KDR: variants seen among roughly 807,000 people sequenced by gnomAD.
The protein encoded by KDR is kinase insert domain receptor, also known as vascular endothelial growth factor receptor 2.
In KDR, 43 loss-of-function variants were observed where a neutral mutation model predicts 160.9. The ratio of observed to expected loss-of-function variants is 0.27; its 90% CI spans 0.21 to 0.34. The LOEUF is 0.34. KDR is among the 10% of genes least tolerant of loss of function. KDR has a pLI of 1.00. For missense variants in KDR, 1,469 were observed against 1,666.4 expected, an observed-to-expected ratio of 0.88 and a Z score of 2.06; for synonymous variants, 617 against 600.1, an observed-to-expected ratio of 1.03 and a Z score of -0.41.
Position 55,105,863 on chromosome 4 carries a change from T to C in KDR, c.1614A>G (p.Arg538=). 1 of 1,613,054 alleles carries C rather than the reference T, an allele frequency of 6.2e-7. No individual in the cohort carries two copies. Among genetic ancestry groups the C allele is most frequent in the Admixed American group, 1.7e-5 (1 of 60,002 alleles). The part of the protein sequence containing the change: ...YKCEAVNKVG[R]GERVISFHVT... ...CGTGGAAGGAGATCACCCTCTCTCCTCTCCCGACTTTGTTGACCGCTTCAC... is the reference window on the plus strand; with the variant it reads ...CGTGGAAGGAGATCACCCTCTCTCCCCTCCCGACTTTGTTGACCGCTTCAC... Residue 538 remains arginine (R), a synonymous_variant, in exon 12 of 30, where the codon AGA becomes AGG. Coordinates refer to ENST00000263923, the MANE Select transcript of KDR (RefSeq NM_002253.4).
rs2110023255 is a variant in KDR, at chr4:55,104,863, C to T, written c.1767G>A (p.Gln589=). ...ENLTWYKLGP[Q]PLPIHVGELP... ...ACTCTCCCACATGGATTGGCAGAGG[C>T]TGTGGGCCAAGCTTGTACCATGTGA... The change falls in exon 13 of 30, where the codon CAG becomes CAA. Residue 589 remains glutamine, a synonymous_variant. Coordinates refer to ENST00000263923, the MANE Select transcript of KDR (RefSeq NM_002253.4). 3 of 1,613,986 alleles carry T rather than the reference C, an allele frequency of 1.9e-6. No homozygotes were observed. The highest frequency in any genetic ancestry group is 2.5e-6 in the Non-Finnish European group (3 of 1,179,898).
intron 26 of KDR, among the ~76,000 whole-genome samples, chr4:55,088,109 C>T (rs1429038175): frequency 6.6e-6 from 1 of 152,168 alleles, no homozygotes; most frequent in African/African-American, 2.4e-5. Context: ...ACGAGCCAAG[C>T]CCTTCAAAGG....
intron 2 of KDR, among the ~76,000 whole-genome samples, chr4:55,119,866 T>C (rs1381627577): frequency 1.3e-5 from 2 of 152,202 alleles, no homozygotes; most frequent in Admixed American, 6.5e-5. Flanking sequence ...AAGAAGAATG[T>C]AACATTATTG....
intron 21 of KDR, among the ~76,000 whole-genome samples, chr4:55,093,026 T>A (rs894608948): frequency 5.9e-5 from 9 of 152,186 alleles, no homozygotes; most frequent in African/African-American, 1.9e-4. Flanking sequence ...ATTTGCCACT[T>A]ACACTGTTTT....
intron 25 of KDR, 108 bp downstream of exon 25, chr4:55,089,266 A>T (rs1719945862): frequency 2.5e-6 from 2 of 791,384 alleles, no homozygotes; most frequent in Non-Finnish European, 2.1e-6. Context: ...AAGTAAAAGC[A>T]GGACACTAAC....
chr4:55,095,731 T>C (rs1720136084), intron 19 of KDR, 66 bp from the exon 20 acceptor site: 4 of 1,201,432 alleles, frequency 3.3e-6, no homozygotes, highest in Non-Finnish European at 5.0e-6. Flanking sequence ...GCGTTTAATA[T>C]AGTGATGAAC....
rs1720392381 is a variant in KDR at position 55,104,628 on chromosome 4, G to A, written c.1987+15C>T. On this transcript the variant is annotated intron_variant, in intron 13 of 29. Transcript: ENST00000263923. The stretch of plus-strand genomic sequence containing the variant: ...CCAACTGCCTCTGCACAATGATCCA[G>A]AATTGTCTCCCTACCTAGGACTGTG... The A allele has an allele frequency of 6.2e-7, 1 of 1,606,148 alleles. No homozygotes were observed. Among genetic ancestry groups the A allele is most frequent in the East Asian group, 2.2e-5 (1 of 44,772 alleles).
intron 18 of KDR, among the ~76,000 whole-genome samples, chr4:55,097,121 G>A (rs984632386): frequency 9.9e-5 from 15 of 152,088 alleles, no homozygotes; most frequent in Non-Finnish European, 1.5e-4. Flanking sequence ...CCAGAATTCC[G>A]TTACTATTAG....
intron 27 of KDR, among the ~76,000 whole-genome samples, chr4:55,085,701 T>C (rs28690664): frequency 0.13 from 19,814 of 152,230 alleles, 2,527 homozygotes; most frequent in African/African-American, 0.33. Flanking sequence ...TCCATTTTAT[T>C]TTTCAAATTA....
chr4:55,098,672 G>T, intron 16 of KDR, 25 bp downstream of exon 16: 1 of 1,539,004 alleles, frequency 6.5e-7, no homozygotes, highest in Non-Finnish European at 9.0e-7. Context: ...AATGTGCATG[G>T]GCAGAAGGGA....
At chr4:55,109,520 G>A (rs951363757) in intron 9 of KDR, among the ~76,000 whole-genome samples, 2 of 152,156 alleles carry the variant, frequency 1.3e-5, no homozygotes, top group Non-Finnish European at 2.9e-5. Context: ...CCAGAAGGGG[G>A]AACAAAGAAT....
At chr4:55,108,000 T>A in intron 9 of KDR, 107 bp from the exon 10 acceptor site, 1 of 1,297,528 alleles carries the variant, frequency 7.7e-7, no homozygotes, top group Non-Finnish European at 1.1e-6. Context: ...TGATTTTGCT[T>A]CCACTTTCTT....
intron 21 of KDR, among the ~76,000 whole-genome samples, chr4:55,093,289 C>T (rs994857829): frequency 6.6e-6 from 1 of 152,052 alleles, no homozygotes; most frequent in African/African-American, 2.4e-5. Context: ...ATAACAGAAA[C>T]ATGGAAAGAT....
chr4:55,120,734 C>T (rs556946997), intron 2 of KDR, among the ~76,000 whole-genome samples: 2 of 152,024 alleles, frequency 1.3e-5, no homozygotes, highest in Non-Finnish European at 2.9e-5. Context: ...CAACTCTATT[C>T]CTTAAATGTA....
intron 3 of KDR, among the ~76,000 whole-genome samples, chr4:55,115,818 G>A (rs780868030): frequency 2.6e-5 from 4 of 151,894 alleles, no homozygotes; most frequent in African/African-American, 4.8e-5. Flanking sequence ...ACACTTTACC[G>A]ACAAGTTTTA....
chr4:55,083,640 A>G (rs1325293519), intron 27 of KDR, among the ~76,000 whole-genome samples: 1 of 128,330 alleles, frequency 7.8e-6, no homozygotes, highest in Non-Finnish European at 1.7e-5. Flanking sequence ...GGGAAGTCCT[A>G]TTCACTGGAA....
chr4:55,121,696 G>A (rs937065733), intron 1 of KDR, among the ~76,000 whole-genome samples: 1 of 152,100 alleles, frequency 6.6e-6, no homozygotes, highest in African/African-American at 2.4e-5. Context: ...ATTTTCTAGT[G>A]CGCTTCCCCT....
chr4:55,114,912 T>C lies in KDR; in HGVS notation c.620A>G (p.Glu207Gly), dbSNP rs753408888. The change falls in exon 5 of 30, where the codon GAA (glutamate) becomes GGA (glycine). Residue 207 changes from glutamate (E) to glycine (G), a missense_variant. By Grantham distance (98) the Glu-to-Gly change is moderately conservative. Coordinates refer to ENST00000263923, the MANE Select transcript of KDR (RefSeq NM_002253.4). ...TATGTACATAATAGACTGGTAACTT[T>C]CATCATTAATTTTTGCTTCACAGAA... ...MVFCEAKIND[E>G]SYQSIMYIVV... 6 of 1,613,928 alleles carry C rather than the reference T, an allele frequency of 3.7e-6. No homozygotes were observed. The Admixed American group carries it at 8.3e-5, about 22-fold the overall frequency.
chr4:55,079,294 C>A lies in KDR; in HGVS notation c.*647G>T. ...CACAACGAACTCTACTTTAGCCCAA[C>A]TCGAAGAACACGCAACCTTCTAAAA... On this transcript the variant is annotated 3_prime_UTR_variant, in exon 30 of 30. Transcript: ENST00000263923. 1 of 235,534 alleles carries A rather than the reference C, an allele frequency of 4.2e-6. No homozygotes were observed. 14.6% of individuals were successfully genotyped at this position (235,534 alleles called of 1,614,324 possible). A position where few individuals can be genotyped will look rare whatever the true frequency, so the allele number is the denominator to read the frequency against.
Sources: gnomAD v4.1 joint callset for allele counts (sites outside exome capture counted in the v4.1 genomes callset) on GRCh38, gnomAD v4.1.1 for gene constraint, MANE v1.5 for transcripts, NCBI Gene and HGNC (gene_info 2026-07-23, HGNC 2026-07-21) for gene names.